Variants in GALNT14 observed in about 807,000 individuals in gnomAD.
GALNT14 encodes the protein UDP-GalNAc:polypeptide N-acetylgalactosaminyltransferase 14.
GALNT14 carries 60 observed loss-of-function variants against 77.5 expected under a neutral mutation model. The ratio of observed to expected loss-of-function variants is 0.77; its 90% CI spans 0.63 to 0.96. The LOEUF (loss-of-function observed/expected upper bound fraction) is 0.96. Ranked by LOEUF, GALNT14 falls within the 40% of genes least tolerant of loss-of-function variation. The pLI, the probability that GALNT14 is intolerant of heterozygous loss-of-function variation, is 0.00. For missense variants in GALNT14, 710 were observed against 731.0 expected, an observed-to-expected ratio of 0.97 and a Z score of 0.33; for synonymous variants, 280 against 281.7, an observed-to-expected ratio of 0.99 and a Z score of 0.06.
intron 6 of GALNT14, among the ~76,000 whole-genome samples, chr2:30,946,742 G>T (rs1475580349): frequency 3.3e-5 from 5 of 152,136 alleles, no homozygotes; most frequent in African/African-American, 1.2e-4. Context: ...TACACCCATG[G>T]TGCTTCATTC....
rs756513927 is a variant in GALNT14 at position 30,912,216 on chromosome 2, C to T, written c.1500+7G>A. 1 of 1,613,968 alleles carries T rather than the reference C, an allele frequency of 6.2e-7. No individual in the cohort carries two copies. Among genetic ancestry groups the T allele is most frequent in the South Asian group, 1.1e-5 (1 of 91,034 alleles). ...GGCCACATCCCAGGGACCTGCTGAG[C>T]ACTTACCTGTCGGTCATCTCCATTC... On this transcript the variant is annotated splice_region_variant and intron_variant, in intron 14 of 14. Coordinates refer to ENST00000349752, the MANE Select transcript of GALNT14 (RefSeq NM_024572.4).
At chr2:30,896,771 G>T in the GALNT14 span, among the ~76,000 whole-genome samples, 1 of 152,054 alleles carries the variant, frequency 6.6e-6, no homozygotes, top group Non-Finnish European at 1.5e-5. Context: ...TGGCATGAAG[G>T]CCATTCTCTC....
At chr2:30,911,153 G>T in intron 14 of GALNT14, 94 bp from the exon 15 acceptor site, 7 of 1,101,486 alleles carry the variant, frequency 6.4e-6, no homozygotes, top group Non-Finnish European at 1.3e-6. Flanking sequence ...CATGTCTAGG[G>T]TCACTGAGAG....
At chr2:30,945,571 G>T (rs931462717) in intron 7 of GALNT14, among the ~76,000 whole-genome samples, 4 of 152,198 alleles carry the variant, frequency 2.6e-5, no homozygotes, top group Non-Finnish European at 4.4e-5. Context: ...TAGAGCTGGA[G>T]CTCTGGGTGC....
intron 3 of GALNT14, among the ~76,000 whole-genome samples, chr2:30,959,397 C>G (rs1393253467): frequency 6.6e-6 from 1 of 152,156 alleles, no homozygotes; most frequent in African/African-American, 2.4e-5. Context: ...TGGTCCATAA[C>G]TATTCCCTCG....
chr2:31,046,794 T>C (rs1673498390), intron 1 of GALNT14, among the ~76,000 whole-genome samples: 1 of 152,184 alleles, frequency 6.6e-6, no homozygotes, highest in South Asian at 2.1e-4. Context: ...GTCTCCCCAG[T>C]GCCCACCATT....
intron 6 of GALNT14, 72 bp downstream of exon 6, chr2:30,955,546 G>A (rs1179060002): frequency 1.9e-6 from 3 of 1,563,920 alleles, no homozygotes; most frequent in Non-Finnish European, 8.6e-7. Flanking sequence ...CACATGTGAA[G>A]TAATGAGCTT....
intron 1 of GALNT14, among the ~76,000 whole-genome samples, chr2:31,058,227 A>G (rs1558533918): frequency 6.6e-6 from 1 of 152,160 alleles, no homozygotes; most frequent in Non-Finnish European, 1.5e-5. Flanking sequence ...GCTATATAAC[A>G]TTGAGCAAGT....
At chr2:30,998,926 T>C (rs1670198047) in intron 1 of GALNT14, among the ~76,000 whole-genome samples, 1 of 152,210 alleles carries the variant, frequency 6.6e-6, no homozygotes, top group African/African-American at 2.4e-5. Context: ...CTATTCCTCC[T>C]TCAAAGGATG....
rs546416286 is a variant in GALNT14, at chr2:31,000,742, G to A, written c.130-7735C>T. Among the ~76,000 whole-genome samples the A allele has an allele frequency of 2.0e-5, 3 of 152,288 alleles. No individual in the cohort carries two copies. In the South Asian group the frequency reaches 6.2e-4, roughly 32 times the overall value. Reference sequence around the variant, plus strand: ...CCTGCTTTACGCAAAGTCTGCCAATGTAAATGTTAGTCTCATCCAAAAGAC... The same window carrying A: ...CCTGCTTTACGCAAAGTCTGCCAATATAAATGTTAGTCTCATCCAAAAGAC... On this transcript the variant is annotated intron_variant, in intron 1 of 14. Coordinates refer to ENST00000349752, the MANE Select transcript of GALNT14 (RefSeq NM_024572.4).
chr2:31,027,829 T>C (rs1254189356), intron 1 of GALNT14, among the ~76,000 whole-genome samples: 1 of 151,946 alleles, frequency 6.6e-6, no homozygotes, highest in Admixed American at 6.6e-5. Context: ...TCTGGAAAGC[T>C]TTAAGCAACA....
chr2:31,084,042 C>T lies in GALNT14; in HGVS notation c.129+53916G>A, dbSNP rs979132538. On this transcript the variant is annotated intron_variant, in intron 1 of 14. Transcript: ENST00000349752. ...ATATAGCCCAGTAGGGGAGAAAGAGCGCTGGATTCAAAGTCAGAACCTGGA... is the reference window on the plus strand; with the variant it reads ...ATATAGCCCAGTAGGGGAGAAAGAGTGCTGGATTCAAAGTCAGAACCTGGA... 2.0e-4 allele frequency among the ~76,000 whole-genome samples: 30 copies of T among 152,112 alleles called. 1 individual carries two copies. The highest frequency in any genetic ancestry group is 2.1e-4 in the Non-Finnish European group (14 of 68,030).
intron 1 of GALNT14, among the ~76,000 whole-genome samples, chr2:31,083,016 C>CA (rs777563448): frequency 1.7e-4 from 25 of 150,796 alleles, no homozygotes; most frequent in Non-Finnish European, 2.7e-4. Flanking sequence ...GACTCCATCT[C>CA]AAAAAAAAGA....
intron 1 of GALNT14, among the ~76,000 whole-genome samples, chr2:31,010,572 G>A (rs1346917382): frequency 6.6e-6 from 1 of 152,144 alleles, no homozygotes; most frequent in Non-Finnish European, 1.5e-5. Flanking sequence ...CCGGGATTGC[G>A]CCACTGCACT....
chr2:30,920,442 C>A (rs1409017311), intron 13 of GALNT14, among the ~76,000 whole-genome samples: 2 of 151,900 alleles, frequency 1.3e-5, no homozygotes, highest in African/African-American at 4.8e-5. Flanking sequence ...AGAGGCAGGA[C>A]AAGTAGGAGG....
In GALNT14 at chr2:30,942,308, T is replaced by A. The variant is rs1400937962; in HGVS notation, c.828-4A>T. On this transcript the variant is annotated splice_polypyrimidine_tract_variant and splice_region_variant and intron_variant, in intron 8 of 14. Transcript: ENST00000349752. ...CCCTCCAGCTATGATAGGAGTCCTG[T>A]GCATTTGGAAGAAAAAGAGAGGGGA... 1 of 1,611,192 alleles carries A rather than the reference T, an allele frequency of 6.2e-7. No individual in the cohort carries two copies. The highest frequency in any genetic ancestry group is 1.1e-5 in the South Asian group (1 of 91,016).
intron 1 of GALNT14, among the ~76,000 whole-genome samples, chr2:31,092,131 T>C (rs908561339): frequency 6.6e-6 from 1 of 152,100 alleles, no homozygotes; most frequent in Non-Finnish European, 1.5e-5. Context: ...GACTGAAGCT[T>C]GCACCGTTGG....
chr2:30,929,526 G>C, intron 10 of GALNT14, 39 bp from the exon 11 acceptor site: 1 of 1,500,596 alleles, frequency 6.7e-7, no homozygotes, highest in Non-Finnish European at 9.3e-7. Flanking sequence ...TCAGTAAGGG[G>C]CTGTCTGAGA....
At chr2:31,069,009 A>C (rs1675171826) in intron 1 of GALNT14, among the ~76,000 whole-genome samples, 1 of 152,178 alleles carries the variant, frequency 6.6e-6, no homozygotes, top group Admixed American at 6.5e-5. Flanking sequence ...GGGGTGGGGC[A>C]TGGGAATTGA....
Sources: gnomAD v4.1 joint callset for allele counts (sites outside exome capture counted in the v4.1 genomes callset) on GRCh38, gnomAD v4.1.1 for gene constraint, MANE v1.5 for transcripts, NCBI Gene and HGNC (gene_info 2026-07-23, HGNC 2026-07-21) for gene names.